Variants in SEMA6A observed in about 807,000 individuals in gnomAD.
SEMA6A encodes semaphorin 6A.
Under a neutral mutation model 96.8 loss-of-function variants are expected in SEMA6A, and 25 were observed. That is an observed-to-expected ratio of 0.26 (90% CI 0.19 to 0.36). The LOEUF is 0.36. SEMA6A is among the 10% of genes least tolerant of loss of function. The pLI, the probability that SEMA6A is intolerant of heterozygous loss-of-function variation, is 1.00. For missense variants in SEMA6A, 1,363 were observed against 1,323.1 expected (o/e 1.03, Z -0.47); for synonymous variants, 612 against 518.0 (o/e 1.18, Z -2.46).
At chr5:116,483,551 T>G (rs935044148) in intron 10 of SEMA6A, among the ~76,000 whole-genome samples, 10 of 152,186 alleles carry the variant, frequency 6.6e-5, no homozygotes, top group Admixed American at 6.6e-4. Flanking sequence ...TTTGCAAATG[T>G]TGAACAGATA....
At chr5:116,496,181 C>A in intron 5 of SEMA6A, 70 bp downstream of exon 5, 2 of 1,275,464 alleles carry the variant, frequency 1.6e-6, no homozygotes, top group African/African-American at 1.5e-5. Context: ...ACATCACGGT[C>A]TATGGCTGGA....
At position 116,447,151 on chromosome 5, in the gene SEMA6A, T is replaced by C. The variant is rs1415099116; in HGVS notation, c.2555A>G (p.Tyr852Cys). Residue 852 changes from tyrosine (Y) to cysteine (C), a missense_variant, in exon 19 of 19, where the codon TAT (tyrosine) becomes TGT (cysteine). By Grantham distance (194) the Tyr-to-Cys change is radical. This residue lies in a region of SEMA6A where 883 missense variants were observed against 763.6 expected (regional missense o/e 1.16). Coordinates refer to ENST00000343348, the MANE Select transcript of SEMA6A (RefSeq NM_020796.5). The stretch of plus-strand genomic sequence containing the variant: ...GCTGAGATGTTCCTTGATGGTCTTA[T>C]ACTCCAGTGTGGCGGCCTGGTCCTC... ...ALEDQAATLE[Y>C]KTIKEHLSSK... The C allele has an allele frequency of 3.1e-6, 5 of 1,613,872 alleles. No individual in the cohort carries two copies. The highest frequency in any genetic ancestry group is 1.3e-5 in the African/African-American group (1 of 74,920).
chr5:116,484,829 G>C (rs1244883840), intron 10 of SEMA6A, among the ~76,000 whole-genome samples: 1 of 152,192 alleles, frequency 6.6e-6, no homozygotes, highest in Admixed American at 6.5e-5. Context: ...GCAAAGCATG[G>C]CACATTCAAG....
chr5:116,573,822 C>A (rs751133988), intron 1 of SEMA6A, among the ~76,000 whole-genome samples: 2 of 152,062 alleles, frequency 1.3e-5, no homozygotes, highest in Non-Finnish European at 2.9e-5. Context: ...CCATTTAGGG[C>A]CCGCTCTGCT....
At chr5:116,515,321 T>A (rs937775953) in intron 1 of SEMA6A, among the ~76,000 whole-genome samples, 6 of 149,214 alleles carry the variant, frequency 4.0e-5, no homozygotes, top group African/African-American at 1.6e-4. Context: ...CTGATTACTA[T>A]TTTTTCTAAG....
At chr5:116,546,586 T>C (rs548657168) in intron 1 of SEMA6A, among the ~76,000 whole-genome samples, 13 of 152,334 alleles carry the variant, frequency 8.5e-5, no homozygotes, top group African/African-American at 2.9e-4. Flanking sequence ...TAATAAGCTT[T>C]TGGGTGATGC....
chr5:116,512,234 C>G (rs550460133), intron 1 of SEMA6A, among the ~76,000 whole-genome samples: 2 of 152,292 alleles, frequency 1.3e-5, no homozygotes, highest in South Asian at 4.2e-4. Context: ...CTGTTTGAAA[C>G]CTTTATTGTA....
chr5:116,532,773 C>T (rs1759542359), intron 1 of SEMA6A, among the ~76,000 whole-genome samples: 1 of 152,088 alleles, frequency 6.6e-6, no homozygotes, highest in Non-Finnish European at 1.5e-5. Flanking sequence ...AAAAAAAGTC[C>T]TCTGTATGTC....
intron 18 of SEMA6A, among the ~76,000 whole-genome samples, chr5:116,453,709 C>T (rs1166166521): frequency 2.6e-5 from 4 of 152,172 alleles, no homozygotes; most frequent in Admixed American, 6.5e-5. Flanking sequence ...AATCCATTAT[C>T]GCAAAACTCT....
At chr5:116,505,457 GCGCACACACACACA>G (rs1758103305) in intron 1 of SEMA6A, among the ~76,000 whole-genome samples, 1 of 143,724 alleles carries the variant, frequency 7.0e-6, no homozygotes, top group African/African-American at 2.7e-5. Context: ...ACACACGCAC[GCGCACACACACACA>G]CACACACACA....
At chr5:116,510,039 G>C (rs950678403) in intron 1 of SEMA6A, among the ~76,000 whole-genome samples, 7 of 152,086 alleles carry the variant, frequency 4.6e-5, no homozygotes, top group Non-Finnish European at 8.8e-5. Context: ...GCAAGCATGA[G>C]GGGTAGAACG....
chr5:116,520,837 CCT>C (rs759912120), intron 1 of SEMA6A, among the ~76,000 whole-genome samples: 1 of 152,122 alleles, frequency 6.6e-6, no homozygotes, highest in Non-Finnish European at 1.5e-5. Flanking sequence ...GTTCTTGGAT[CCT>C]CTGACAAGTC....
chr5:116,547,580 C>A (rs1316118318), intron 1 of SEMA6A, among the ~76,000 whole-genome samples: 2 of 147,246 alleles, frequency 1.4e-5, no homozygotes, highest in African/African-American at 5.0e-5. Context: ...TGGTTAAAGG[C>A]CTTTGTTTTA....
chr5:116,493,778 C>A lies in SEMA6A; in HGVS notation c.444+1635G>T, dbSNP rs574219512. On this transcript the variant is annotated intron_variant, in intron 6 of 18. Coordinates refer to ENST00000343348, the MANE Select transcript of SEMA6A (RefSeq NM_020796.5). ...CTCATTCTTCCCACTCCTAGGGTTT[C>A]ACTTTATGATGATGAAACCCAAATC... Among the ~76,000 whole-genome samples the A allele has an allele frequency of 1.1e-4, 17 of 152,270 alleles. No individual in the cohort carries two copies. In the East Asian group the frequency reaches 3.3e-3, roughly 29 times the overall value.
chr5:116,466,059 T>A (rs1202529053), intron 18 of SEMA6A, among the ~76,000 whole-genome samples: 1 of 93,634 alleles, frequency 1.1e-5, no homozygotes, highest in Admixed American at 1.2e-4. Context: ...AAAACCAGCT[T>A]AAAAAAAAAA....
At chr5:116,472,746 T>G (rs903471060) in intron 17 of SEMA6A, 3 of 624,774 alleles carry the variant, frequency 4.8e-6, no homozygotes, top group Non-Finnish European at 7.7e-6. Flanking sequence ...GACGGTGAAA[T>G]TAATAAATAA....
intron 18 of SEMA6A, among the ~76,000 whole-genome samples, chr5:116,460,908 C>G (rs935478236): frequency 2.6e-5 from 4 of 151,476 alleles, no homozygotes; most frequent in African/African-American, 9.7e-5. Flanking sequence ...GCCTCAGCTT[C>G]CCAAGTAGCT....
chr5:116,557,843 T>C (rs369920880), intron 1 of SEMA6A, among the ~76,000 whole-genome samples: 1 of 152,206 alleles, frequency 6.6e-6, no homozygotes, highest in South Asian at 2.1e-4. Context: ...TAAACAAAAG[T>C]GGTTGTGCTG....
chr5:116,504,997 A>G lies in SEMA6A; in HGVS notation c.-38-15T>C. The G allele has an allele frequency of 7.7e-7, 1 of 1,292,736 alleles. No individual in the cohort carries two copies. The highest frequency in any genetic ancestry group is 1.1e-6 in the Non-Finnish European group (1 of 913,772). The allele number at this position is 1,292,736 out of a possible 1,614,324, so 80.1% of individuals were successfully genotyped here. ...TCTACTTCACCCTGCCAAAAAGTAA[A>G]GAACAGATTTTTTTCCAAGTCAGCT... On this transcript the variant is annotated splice_polypyrimidine_tract_variant and intron_variant, in intron 1 of 18. Transcript: ENST00000343348.
Sources: gnomAD v4.1 joint callset for allele counts (sites outside exome capture counted in the v4.1 genomes callset) on GRCh38, gnomAD v4.1.1 for gene constraint, gnomAD v4.1.1 regional missense constraint, MANE v1.5 for transcripts, NCBI Gene and HGNC (gene_info 2026-07-23, HGNC 2026-07-21) for gene names.